FAM186A: variants seen among roughly 807,000 people sequenced by gnomAD.
FAM186A encodes the protein family with sequence similarity 186 member A, also known as protein FAM186A.
FAM186A carries 163 observed loss-of-function variants against 216.8 expected under a neutral mutation model. The ratio of observed to expected loss-of-function variants is 0.75; its 90% CI spans 0.66 to 0.86. The LOEUF (loss-of-function observed/expected upper bound fraction) is 0.86, where lower values mean the gene tolerates loss of function less well. Ranked by LOEUF, FAM186A falls within the 40% of genes least tolerant of loss-of-function variation. The pLI is 0.00. For synonymous variants in FAM186A, 805 were observed against 1,025.3 expected (o/e 0.79, Z 4.10); for missense variants, 2,184 against 2,746.2 (o/e 0.80, Z 4.58).
In FAM186A at chr12:50,353,570, T is replaced by C; in HGVS notation, c.3262A>G (p.Thr1088Ala). 6.5e-7 allele frequency: 1 copy of C among 1,527,114 alleles called. No individual in the cohort carries two copies. Among genetic ancestry groups the C allele is most frequent in the Non-Finnish European group, 8.8e-7 (1 of 1,136,558 alleles). 94.6% of individuals were successfully genotyped at this position (1,527,114 alleles called of 1,614,324 possible). ...CCCTGAGCCTGGGCCTGCTGAGGAG[T>C]GAGTGTGATCCCCACTTCCTGGGCC... ...QQAQEVGITLTPQQAQAQGIT... is the reference protein window; with the variant it reads ...QQAQEVGITLAPQQAQAQGIT... The change falls in exon 4 of 8, where the codon ACT (threonine) becomes GCT (alanine). Residue 1088 changes from threonine to alanine, a missense_variant. Transcript: ENST00000327337.
intron 1 of FAM186A, among the ~76,000 whole-genome samples, chr12:50,391,634 C>T (rs1005741682): frequency 6.7e-6 from 1 of 149,190 alleles, no homozygotes. Context: ...TTTTGACAGT[C>T]TCACTGTCTC....
chr12:50,351,383 G>A lies in FAM186A; in HGVS notation c.5449C>T (p.Gln1817Ter), dbSNP rs1032736573. The change falls in exon 4 of 8, where the codon CAG becomes TAG. Residue 1817 changes from glutamine to a stop codon, truncating the protein, a stop_gained. Coordinates refer to ENST00000327337, the MANE Select transcript of FAM186A (RefSeq NM_001145475.3). LOFTEE classifies it high-confidence loss of function. ...QSTSAQFPAP[Q>*]APPSPGQLPI... ...AGCTGCCCAGGGGAGGGAGGGGCCT[G>A]TGGTGCCGGGAACTGCGCAGAAGTG... is the stretch of plus-strand genomic sequence containing the variant. 3 of 1,472,858 alleles carry A rather than the reference G, an allele frequency of 2.0e-6. No homozygotes were observed. The highest frequency in any genetic ancestry group is 1.8e-6 in the Non-Finnish European group (2 of 1,113,716). The allele number at this position is 1,472,858 out of a possible 1,614,324, so 91.2% of individuals were successfully genotyped here. A position where few individuals can be genotyped will look rare whatever the true frequency, so the allele number is the denominator to read the frequency against.
intron 1 of FAM186A, among the ~76,000 whole-genome samples, chr12:50,385,708 C>T (rs537283202): frequency 4.6e-4 from 69 of 151,642 alleles, no homozygotes; most frequent in African/African-American, 1.5e-3. Flanking sequence ...CTAGACCATC[C>T]GGGCTAACAT....
chr12:50,370,141 A>AAAAAAAAAAAAAAAAAAAC, intron 1 of FAM186A, among the ~76,000 whole-genome samples: 2 of 148,114 alleles, frequency 1.4e-5, no homozygotes, highest in African/African-American at 2.5e-5. Context: ...AAAAAAAAAA[A>AAAAAAAAAAAAAAAAAAAC]AAAAAAGCAA....
At chr12:50,349,715 G>A (rs762076019) in intron 4 of FAM186A, among the ~76,000 whole-genome samples, 1 of 152,086 alleles carries the variant, frequency 6.6e-6, no homozygotes, top group Non-Finnish European at 1.5e-5. Flanking sequence ...GTAGTGGCAT[G>A]ATCGGCTTAT....
intron 4 of FAM186A, among the ~76,000 whole-genome samples, chr12:50,337,078 A>G (rs1257050839): frequency 2.0e-5 from 3 of 151,350 alleles, no homozygotes; most frequent in Admixed American, 1.3e-4. Context: ...TTAAATTATT[A>G]TATTTGTATT....
In FAM186A at chr12:50,351,477, C is replaced by A; in HGVS notation, c.5355G>T (p.Glu1785Asp). The change falls in exon 4 of 8, where the codon GAG becomes GAT. Residue 1785 changes from glutamate (E) to aspartate (D), a missense_variant. Glu to Asp is a conservative substitution (Grantham distance 45). Coordinates refer to ENST00000327337, the MANE Select transcript of FAM186A (RefSeq NM_001145475.3). ...GKPLEMGILS[E>D]PGKLGAPQTL... ...TCTGTGGTGCCCCAAGCTTCCCAGG[C>A]TCAGAAAGAATCCCCATTTCTAGGG... 1 of 1,482,182 alleles carries A rather than the reference C, an allele frequency of 6.7e-7. No homozygotes were observed. The highest frequency in any genetic ancestry group is 1.4e-5 in the South Asian group (1 of 70,182). 91.8% of individuals were successfully genotyped at this position (1,482,182 alleles called of 1,614,324 possible). A position where few individuals can be genotyped will look rare whatever the true frequency, so the allele number is the denominator to read the frequency against.
chr12:50,356,575 TG>T (rs1262411408), intron 3 of FAM186A, among the ~76,000 whole-genome samples: 1 of 152,196 alleles, frequency 6.6e-6, no homozygotes, highest in East Asian at 1.9e-4. Context: ...CTGCCTGAGT[TG>T]CTGGTGTTAC....
At position 50,350,953 on chromosome 12, in the gene FAM186A, G is replaced by C; in HGVS notation, c.5879C>G (p.Ser1960Cys). 2.6e-6 allele frequency: 4 copies of C among 1,551,412 alleles called. No individual in the cohort carries two copies. The highest frequency in any genetic ancestry group is 3.5e-6 in the Non-Finnish European group (4 of 1,146,918). Reference sequence around the variant, plus strand: ...CAATACTGATTTAGATTTCAGAGAAGAAATAATTGCCAATCTTTTCTTAGC... The same window carrying C: ...CAATACTGATTTAGATTTCAGAGAACAAATAATTGCCAATCTTTTCTTAGC... ...SVAKKRLAII[S>C]SLKSKSVLIH... is the part of the protein sequence containing the mutation. Residue 1960 changes from serine (S) to cysteine (C), a missense_variant, in exon 4 of 8, where the codon TCT becomes TGT. Transcript: ENST00000327337.
chr12:50,387,492 A>G (rs1366796357), intron 1 of FAM186A, among the ~76,000 whole-genome samples: 1 of 152,198 alleles, frequency 6.6e-6, no homozygotes, highest in Non-Finnish European at 1.5e-5. Flanking sequence ...AGCACTCTCA[A>G]TAAAGAGAGG....
At chr12:50,375,956 G>A (rs1267073494) in intron 1 of FAM186A, among the ~76,000 whole-genome samples, 1 of 152,026 alleles carries the variant, frequency 6.6e-6, no homozygotes, top group Non-Finnish European at 1.5e-5. Flanking sequence ...GAGCACCGAG[G>A]GGTGTGTGAG....
chr12:50,363,436 A>G, intron 1 of FAM186A, 72 bp from the exon 2 acceptor site: 1 of 1,257,090 alleles, frequency 8.0e-7, no homozygotes, highest in South Asian at 1.4e-5. Context: ...TTCTTCTCAG[A>G]ACGTCAGTGA....
At chr12:50,383,613 A>G (rs1943275364) in intron 1 of FAM186A, among the ~76,000 whole-genome samples, 1 of 152,018 alleles carries the variant, frequency 6.6e-6, no homozygotes, top group South Asian at 2.1e-4. Context: ...AAAAAAAAGA[A>G]AGAAACAAAC....
intron 3 of FAM186A, among the ~76,000 whole-genome samples, chr12:50,359,960 G>A (rs1018916311): frequency 6.6e-6 from 1 of 152,134 alleles, no homozygotes; most frequent in Non-Finnish European, 1.5e-5. Context: ...TTAGATTGTT[G>A]GCCGGGTGCT....
intron 7 of FAM186A, 97 bp from the exon 8 acceptor site, chr12:50,327,501 G>T: frequency 4.1e-6 from 3 of 740,208 alleles, no homozygotes; most frequent in South Asian, 1.8e-5. Context: ...AGTGCCTCCA[G>T]AACTCAAAAA....
chr12:50,351,577 ATAGAGGACTTC>A lies in FAM186A; in HGVS notation c.5244_5254del (p.Glu1748AspfsTer34). On this transcript the variant is annotated frameshift_variant, in exon 4 of 8. Coordinates refer to ENST00000327337, the MANE Select transcript of FAM186A (RefSeq NM_001145475.3). LOFTEE classifies it high-confidence loss of function. ...CAAAGGAGTAGAAGAGACCCCGAAT[ATAGAGGACTTC>A]TCAGCAGTAGGAGCTGATGATGCCA... 6.4e-7 allele frequency: 1 copy of A among 1,550,934 alleles called. No individual in the cohort carries two copies. Among genetic ancestry groups the A allele is most frequent in the South Asian group, 1.2e-5 (1 of 83,992 alleles).
chr12:50,390,736 G>A (rs1331517392), intron 1 of FAM186A, among the ~76,000 whole-genome samples: 2 of 152,252 alleles, frequency 1.3e-5, no homozygotes, highest in Admixed American at 1.3e-4. Context: ...GCTCTTCAAG[G>A]ATGCCGGGGC....
chr12:50,330,830 C>T, intron 6 of FAM186A, 72 bp from the exon 7 acceptor site: 1 of 1,308,192 alleles, frequency 7.6e-7, no homozygotes, highest in Non-Finnish European at 1.0e-6. Flanking sequence ...ATATCTTATT[C>T]TCCCCTCTTC....
intron 4 of FAM186A, among the ~76,000 whole-genome samples, chr12:50,336,447 C>T (rs1213153555): frequency 6.6e-6 from 1 of 152,106 alleles, no homozygotes; most frequent in Non-Finnish European, 1.5e-5. Context: ...TAGACTGAAC[C>T]ATATGGGGTA....
Sources: allele counts gnomAD v4.1 joint callset (sites outside exome capture counted in the v4.1 genomes callset), GRCh38; gene constraint gnomAD v4.1.1; transcripts MANE v1.5; gene names NCBI Gene and HGNC (gene_info 2026-07-23, HGNC 2026-07-21).